Variants in COA1 observed in about 807,000 individuals in gnomAD.
COA1 encodes cytochrome c oxidase assembly factor 1 homolog.
A neutral mutation model predicts 16.0 loss-of-function variants in COA1; 13 were observed. The observed-to-expected ratio is 0.81, with a 90% CI of 0.53 to 1.29. The LOEUF is 1.29. Among genes scored for constraint, COA1 ranks in the 50% most tolerant of loss-of-function variants. The pLI is 0.00. For missense variants in COA1, 179 were observed against 177.0 expected, an observed-to-expected ratio of 1.01 and a Z score of -0.06; for synonymous variants, 65 against 65.7, an observed-to-expected ratio of 0.99 and a Z score of 0.05.
chr7:43,681,891 C>T (rs2093784926), intron 1 of COA1, among the ~76,000 whole-genome samples: 1 of 152,196 alleles, frequency 6.6e-6, no homozygotes, highest in Non-Finnish European at 1.5e-5. Flanking sequence ...CTTAACACCA[C>T]ATCTACTGCT....
Position 43,639,551 on chromosome 7 carries a change from C to T in COA1, c.*31G>A. Reference sequence around the variant, plus strand: ...ATGGTAGAGATGAGGGAAGGATGGACTAGAAGCAAGCTGGGTCTTCTGGGT... The same window carrying T: ...ATGGTAGAGATGAGGGAAGGATGGATTAGAAGCAAGCTGGGTCTTCTGGGT... On this transcript the variant is annotated 3_prime_UTR_variant, in exon 6 of 6. Transcript: ENST00000223336. The T allele has an allele frequency of 6.3e-7, 1 of 1,576,060 alleles. No individual in the cohort carries two copies. Among genetic ancestry groups the T allele is most frequent in the Non-Finnish European group, 8.7e-7 (1 of 1,145,758 alleles).
At chr7:43,701,671 G>A (rs1474816593) in intron 1 of COA1, among the ~76,000 whole-genome samples, 1 of 152,186 alleles carries the variant, frequency 6.6e-6, no homozygotes, top group Non-Finnish European at 1.5e-5. Context: ...AGTCACAACT[G>A]CTTTCCATAA....
At chr7:43,720,271 C>CT (rs1348421269) in intron 1 of COA1, among the ~76,000 whole-genome samples, 3 of 150,830 alleles carry the variant, frequency 2.0e-5, no homozygotes, top group Non-Finnish European at 3.0e-5. Context: ...AAGCAAAACT[C>CT]TGTCAAAAAA....
At chr7:43,613,859 A>C (rs1049429658) in intron 6 of COA1, among the ~76,000 whole-genome samples, 1 of 152,160 alleles carries the variant, frequency 6.6e-6, no homozygotes, top group Non-Finnish European at 1.5e-5. Context: ...TTTTTTATTA[A>C]AACATTAATT....
rs1395203788 is a variant in COA1, at chr7:43,728,253, C to A, written c.-39+1176G>T. 3.3e-5 allele frequency among the ~76,000 whole-genome samples: 5 copies of A among 152,158 alleles called. No homozygotes were observed. The East Asian group carries it at 9.6e-4, about 29-fold the overall frequency. On this transcript the variant is annotated intron_variant, in intron 1 of 5. Coordinates refer to ENST00000223336, the MANE Select transcript of COA1 (RefSeq NM_018224.4). ...CCTCCCAAAGTGCTGGGATTACAGGCGTGAGGCACCGCTACGTTTTAAATG... is the reference window on the plus strand; with the variant it reads ...CCTCCCAAAGTGCTGGGATTACAGGAGTGAGGCACCGCTACGTTTTAAATG...
At chr7:43,690,448 T>TACAC (rs913292389) in intron 1 of COA1, among the ~76,000 whole-genome samples, 5 of 151,498 alleles carry the variant, frequency 3.3e-5, no homozygotes, top group East Asian at 3.9e-4. Flanking sequence ...CACACATATA[T>TACAC]ACACACACAC....
chr7:43,677,906 G>A (rs1321169743), intron 1 of COA1, among the ~76,000 whole-genome samples: 1 of 150,730 alleles, frequency 6.6e-6, no homozygotes, highest in East Asian at 1.9e-4. Flanking sequence ...ACTGAATTTA[G>A]TTATACAAAA....
chr7:43,640,812 T>C, intron 4 of COA1, 163 bp from the exon 5 acceptor site: 1 of 563,928 alleles, frequency 1.8e-6, no homozygotes, highest in Non-Finnish European at 3.0e-6. Flanking sequence ...CCACTTGATT[T>C]TCCAAATGTC....
At chr7:43,639,750 G>A in intron 5 of COA1, 69 bp from the exon 6 acceptor site, 1 of 1,248,220 alleles carries the variant, frequency 8.0e-7, no homozygotes, top group Non-Finnish European at 1.2e-6. Flanking sequence ...GTCAAAAAAA[G>A]GGGCGCGGAA....
intron 1 of COA1, among the ~76,000 whole-genome samples, chr7:43,718,165 C>T (rs1026110230): frequency 1.2e-4 from 18 of 152,106 alleles, no homozygotes; most frequent in Admixed American, 1.1e-3. Flanking sequence ...CCACTAATAG[C>T]GTTTATATGA....
intron 2 of COA1, chr7:43,648,005 G>GA (rs2089896885): frequency 4.4e-6 from 1 of 229,302 alleles, no homozygotes; most frequent in South Asian, 8.3e-5. Flanking sequence ...TGGTAAACAG[G>GA]AAGCTTATCC....
intron 2 of COA1, 152 bp from the exon 3 acceptor site, chr7:43,647,786 G>A: frequency 3.1e-6 from 2 of 635,700 alleles, no homozygotes; most frequent in Non-Finnish European, 5.5e-6. Context: ...CCAAATGCCA[G>A]GGTTGGTTCT....
At chr7:43,654,212 A>C (rs1312440469) in intron 1 of COA1, among the ~76,000 whole-genome samples, 1 of 152,158 alleles carries the variant, frequency 6.6e-6, no homozygotes, top group Non-Finnish European at 1.5e-5. Flanking sequence ...GCCAGCCCCA[A>C]ACTGGGTATG....
chr7:43,640,385 A>G (rs1487151679), intron 5 of COA1, among the ~76,000 whole-genome samples, 188 bp downstream of exon 5: 1 of 152,266 alleles, frequency 6.6e-6, no homozygotes, highest in Non-Finnish European at 1.5e-5. Flanking sequence ...CTGTATGGAT[A>G]AACTGGACTC....
At chr7:43,621,637 TTTTG>T (rs1397516591) in intron 6 of COA1, among the ~76,000 whole-genome samples, 3 of 152,068 alleles carry the variant, frequency 2.0e-5, no homozygotes, top group African/African-American at 4.8e-5. Flanking sequence ...CGGGCCAGTT[TTTTG>T]TTTGTTTTTT....
At chr7:43,710,937 G>A (rs984088140) in intron 1 of COA1, among the ~76,000 whole-genome samples, 2 of 151,800 alleles carry the variant, frequency 1.3e-5, no homozygotes, top group African/African-American at 2.4e-5. Context: ...ATTAAATGTA[G>A]CAAGTCACAT....
intron 1 of COA1, among the ~76,000 whole-genome samples, chr7:43,719,154 G>A (rs2095455099): frequency 6.6e-6 from 1 of 152,142 alleles, no homozygotes; most frequent in East Asian, 1.9e-4. Flanking sequence ...TTTTAGTAGA[G>A]ACGAGGTTTC....
In COA1 at chr7:43,662,201, G is replaced by A. The variant is rs1045105452; in HGVS notation, c.-38-13549C>T. Among the ~76,000 whole-genome samples, 6 of 152,096 alleles carry A rather than the reference G, an allele frequency of 3.9e-5. No homozygotes were observed. In the South Asian group the frequency reaches 8.3e-4, roughly 21 times the overall value. ...ACATGCTCCTCCCTTTTCCAACTAC[G>A]CATCTATTTGAGGACAGATTATTTT... On this transcript the variant is annotated intron_variant, in intron 1 of 5. Coordinates refer to ENST00000223336, the MANE Select transcript of COA1 (RefSeq NM_018224.4).
At chr7:43,662,491 A>G (rs1260534928) in intron 1 of COA1, among the ~76,000 whole-genome samples, 1 of 152,184 alleles carries the variant, frequency 6.6e-6, no homozygotes, top group East Asian at 1.9e-4. Flanking sequence ...CAGCCTCCCA[A>G]AGTGCTGGGA....
Sources: allele counts gnomAD v4.1 joint callset (sites outside exome capture counted in the v4.1 genomes callset), GRCh38; gene constraint gnomAD v4.1.1; transcripts MANE v1.5; gene names NCBI Gene and HGNC (gene_info 2026-07-23, HGNC 2026-07-21).